PKP1: variants seen among roughly 807,000 people sequenced by gnomAD.
PKP1 encodes plakophilin-1.
In PKP1, 27 loss-of-function variants were observed where a neutral mutation model predicts 76.4. The ratio of observed to expected loss-of-function variants is 0.35; its 90% CI spans 0.26 to 0.49. The LOEUF (loss-of-function observed/expected upper bound fraction) is 0.49, where lower values mean the gene tolerates loss of function less well. PKP1 is among the 20% of genes least tolerant of loss of function. PKP1 has a pLI of 0.99. For missense variants in PKP1, 964 were observed against 955.2 expected (o/e 1.01, Z -0.12); for synonymous variants, 404 against 384.2 (o/e 1.05, Z -0.60).
At chr1:201,319,870 T>C (rs763219443) in intron 6 of PKP1, 4 of 1,613,952 alleles carry the variant, frequency 2.5e-6, no homozygotes, top group Non-Finnish European at 3.4e-6. Context: ...GGGCCACTAG[T>C]AGCAGGGTGT....
In PKP1 at chr1:201,283,761, A is replaced by G. The variant is rs199604952; in HGVS notation, c.59A>G (p.Asn20Ser). The change falls in exon 1 of 14, where the codon AAC becomes AGC. Residue 20 changes from asparagine (N) to serine (S), a missense_variant. Coordinates refer to ENST00000367324, the MANE Select transcript of PKP1 (RefSeq NM_001005337.3). ...TACGAATGCTTCCAGGACCAGGACA[A>G]CTCCACGTTGGCTTTGCCGTCGGAC... ...LAYECFQDQD[N>S]STLALPSDQK... 4.6e-5 allele frequency: 74 copies of G among 1,613,884 alleles called. 1 individual carries two copies. The highest frequency in any genetic ancestry group is 5.9e-5 in the Non-Finnish European group (70 of 1,179,958).
chr1:201,320,907 C>T (rs1357370191), intron 7 of PKP1, among the ~76,000 whole-genome samples: 1 of 152,160 alleles, frequency 6.6e-6, no homozygotes, highest in African/African-American at 2.4e-5. Flanking sequence ...CCCACTGCCT[C>T]CCAGAAAAGC....
intron 1 of PKP1, among the ~76,000 whole-genome samples, chr1:201,293,138 C>T (rs1364590438): frequency 6.6e-6 from 1 of 152,158 alleles, no homozygotes; most frequent in African/African-American, 2.4e-5. Flanking sequence ...TCAAGGACAG[C>T]AGGACAGTGA....
rs768604582 is a variant in PKP1, at chr1:201,313,293, G to A, written c.434G>A (p.Cys145Tyr). 1.9e-6 allele frequency: 3 copies of A among 1,602,014 alleles called. No homozygotes were observed. The South Asian group carries it at 3.4e-5, about 18-fold the overall frequency. ...ACCACCGGCGCAGGCAGCGACATCT[G>A]CTTCATGCAGAAAATCAAGGCGAGC... ...CNTTGAGSDI[C>Y]FMQKIKASRS... Residue 145 changes from cysteine to tyrosine, a missense_variant, in exon 3 of 14, where the codon TGC becomes TAC. Transcript: ENST00000367324.
chr1:201,287,528 T>C (rs1319108326), intron 1 of PKP1, among the ~76,000 whole-genome samples: 1 of 152,232 alleles, frequency 6.6e-6, no homozygotes, highest in Admixed American at 6.5e-5. Flanking sequence ...GTAATGGCTA[T>C]GTGTGCTTTA....
At chr1:201,307,477 C>T (rs1380595209) in intron 2 of PKP1, among the ~76,000 whole-genome samples, 1 of 152,186 alleles carries the variant, frequency 6.6e-6, no homozygotes, top group African/African-American at 2.4e-5. Context: ...GCAGGCACCC[C>T]TACCCCTTTG....
At chr1:201,318,987 C>G (rs1656855623) in intron 6 of PKP1, among the ~76,000 whole-genome samples, 192 bp downstream of exon 6, 1 of 152,148 alleles carries the variant, frequency 6.6e-6, no homozygotes, top group African/African-American at 2.4e-5. Flanking sequence ...GGCCCAGGAC[C>G]CTACCACCCC....
chr1:201,297,986 T>C (rs1656122752), intron 2 of PKP1, among the ~76,000 whole-genome samples: 1 of 152,248 alleles, frequency 6.6e-6, no homozygotes, highest in African/African-American at 2.4e-5. Flanking sequence ...TATTTGCTGT[T>C]TATGTAAAAT....
chr1:201,316,826 G>A (rs984496629), intron 4 of PKP1, 129 bp downstream of exon 4: 1 of 974,018 alleles, frequency 1.0e-6, no homozygotes, highest in African/African-American at 1.6e-5. Context: ...GCTGCCAGGA[G>A]CCTTCGCATT....
At chr1:201,317,839 C>A in intron 5 of PKP1, 60 bp downstream of exon 5, 1 of 1,503,046 alleles carries the variant, frequency 6.7e-7, no homozygotes, top group Non-Finnish European at 9.1e-7. Context: ...CTGGCTATGG[C>A]CCCAGGCTGG....
At chr1:201,329,228 G>T (rs1035487309) in intron 13 of PKP1, among the ~76,000 whole-genome samples, 1 of 152,120 alleles carries the variant, frequency 6.6e-6, no homozygotes, top group African/African-American at 2.4e-5. Context: ...TTCTGGGCTT[G>T]GCCATACACA....
At chr1:201,283,998 G>A in intron 1 of PKP1, 94 bp downstream of exon 1, 2 of 1,091,782 alleles carry the variant, frequency 1.8e-6, no homozygotes, top group Non-Finnish European at 2.8e-6. Context: ...CCCCGGGGAT[G>A]AGGGGAGGCG....
At chr1:201,299,021 C>T (rs1382204290) in intron 2 of PKP1, among the ~76,000 whole-genome samples, 1 of 152,198 alleles carries the variant, frequency 6.6e-6, no homozygotes, top group African/African-American at 2.4e-5. Flanking sequence ...CACAGCCATG[C>T]TAATCGAGTG....
intron 2 of PKP1, among the ~76,000 whole-genome samples, chr1:201,311,227 G>T (rs775366153): frequency 9.9e-5 from 15 of 152,272 alleles, no homozygotes; most frequent in African/African-American, 3.6e-4. Context: ...ATTTGTAAAG[G>T]CTTTCATGGC....
intron 2 of PKP1, among the ~76,000 whole-genome samples, chr1:201,306,849 T>A (rs939060661): frequency 2.9e-4 from 1 of 3,414 alleles, no homozygotes; most frequent in Non-Finnish European, 3.2e-3. Context: ...TACTTTTTGT[T>A]TTTTTTGTAT....
In PKP1 at chr1:201,317,663, A is replaced by T. The variant is rs1656801235; in HGVS notation, c.938A>T (p.Asn313Ile). Residue 313 changes from asparagine (N) to isoleucine (I), a missense_variant, in exon 5 of 14, where the codon AAC becomes ATC. Coordinates refer to ENST00000367324, the MANE Select transcript of PKP1 (RefSeq NM_001005337.3). ...CAGGCCGCGGCAGGGGCCCTGCGCA[A>T]CCTGGTGTTCAGGAGCACCACCAAC... ...VQQAAAGALR[N>I]LVFRSTTNKL... 6.2e-7 allele frequency: 1 copy of T among 1,613,882 alleles called. No homozygotes were observed. Among genetic ancestry groups the T allele is most frequent in the African/African-American group, 1.3e-5 (1 of 74,992 alleles).
intron 1 of PKP1, among the ~76,000 whole-genome samples, chr1:201,286,235 C>T (rs1205545266): frequency 1.3e-5 from 2 of 152,176 alleles, no homozygotes; most frequent in Non-Finnish European, 2.9e-5. Context: ...CGTTTTCCCT[C>T]GCCCCCTGGA....
Position 201,283,581 on chromosome 1 carries a change from T to C in PKP1, c.-122T>C. The C allele has an allele frequency of 1.1e-6, 1 of 885,592 alleles. No homozygotes were observed. The highest frequency in any genetic ancestry group is 1.8e-6 in the Non-Finnish European group (1 of 551,810). 54.9% of individuals were successfully genotyped at this position (885,592 alleles called of 1,614,324 possible). A position where few individuals can be genotyped will look rare whatever the true frequency, so the allele number is the denominator to read the frequency against. ...GAGCCCTCACGCGGACCACGCACTC[T>C]ATGGCCGTAGGGAGCCGCTGAGAGC... On this transcript the variant is annotated 5_prime_UTR_variant, in exon 1 of 14. Transcript: ENST00000367324.
chr1:201,322,857 G>A (rs1025624140), intron 8 of PKP1, among the ~76,000 whole-genome samples, 156 bp from the exon 9 acceptor site: 4 of 152,180 alleles, frequency 2.6e-5, no homozygotes, highest in Admixed American at 2.0e-4. Flanking sequence ...GGGGTGCAGC[G>A]GGGCTGTCCT....
Sources: allele counts gnomAD v4.1 joint callset (sites outside exome capture counted in the v4.1 genomes callset), GRCh38; gene constraint gnomAD v4.1.1; transcripts MANE v1.5; gene names NCBI Gene and HGNC (gene_info 2026-07-23, HGNC 2026-07-21).